The following SLC38A2 variants were observed in gnomAD, a reference collection of about 807,000 sequenced individuals.
SLC38A2 encodes the protein solute carrier family 38 member 2.
A neutral mutation model predicts 61.5 loss-of-function variants in SLC38A2; 11 were observed. The ratio of observed to expected loss-of-function variants is 0.18; its 90% CI spans 0.11 to 0.30. The LOEUF (loss-of-function observed/expected upper bound fraction) is 0.30, where lower values mean the gene tolerates loss of function less well. Ranked by LOEUF, SLC38A2 falls within the 10% of genes least tolerant of loss-of-function variation. The pLI, the probability that SLC38A2 is intolerant of heterozygous loss-of-function variation, is 1.00. For missense variants in SLC38A2, 522 were observed against 600.4 expected (o/e 0.87, Z 1.36); for synonymous variants, 217 against 212.5 (o/e 1.02, Z -0.18).
At chr12:46,372,119 GT>G (rs1448462639) in intron 1 of SLC38A2, among the ~76,000 whole-genome samples, 3 of 152,078 alleles carry the variant, frequency 2.0e-5, no homozygotes, top group African/African-American at 7.2e-5. Context: ...GGCCTCTCCT[GT>G]AATACATGCC....
chr12:46,371,487 G>A (rs1255791430), intron 1 of SLC38A2, 108 bp from the exon 2 acceptor site: 25 of 553,424 alleles, frequency 4.5e-5, no homozygotes, highest in Non-Finnish European at 7.9e-5. Flanking sequence ...CAGGCGAGTG[G>A]AAAAGTACCA....
chr12:46,366,734 T>A, intron 7 of SLC38A2, 130 bp downstream of exon 7: 1 of 863,474 alleles, frequency 1.2e-6, no homozygotes, highest in Non-Finnish European at 1.7e-6. Flanking sequence ...ATGGGGGGCC[T>A]TCTTGGTCAG....
chr12:46,371,129 A>T lies in SLC38A2; in HGVS notation c.116+49T>A, dbSNP rs773958457. ...AGCAGAGTCCTAGGTAACTCCCTGA[A>T]CCCAACCCATGCAAGCCGTTTTTTC... On this transcript the variant is annotated intron_variant, in intron 2 of 15. Transcript: ENST00000256689. 5 of 1,520,248 alleles carry T rather than the reference A, an allele frequency of 3.3e-6. No homozygotes were observed. In the Admixed American group the frequency reaches 8.3e-5, roughly 25 times the overall value. 94.2% of individuals were successfully genotyped at this position (1,520,248 alleles called of 1,614,324 possible).
rs1459936588 is a variant in SLC38A2 at position 46,359,847 on chromosome 12, G to T, written c.*1264C>A. On this transcript the variant is annotated 3_prime_UTR_variant, in exon 16 of 16. Transcript: ENST00000256689. ...AAACAAGTAATTCTACGTTGTACAAGAATGAGATGACAGTCCAGTGCAAAT... is the reference window on the plus strand; with the variant it reads ...AAACAAGTAATTCTACGTTGTACAATAATGAGATGACAGTCCAGTGCAAAT... 2.0e-5 allele frequency: 3 copies of T among 152,626 alleles called. No homozygotes were observed. Among genetic ancestry groups the T allele is most frequent in the African/African-American group, 7.2e-5 (3 of 41,450 alleles). The allele number at this position is 152,626 out of a possible 1,614,324, so 9.5% of individuals were successfully genotyped here.
chr12:46,366,585 A>G (rs1222311457), intron 7 of SLC38A2, among the ~76,000 whole-genome samples: 2 of 152,188 alleles, frequency 1.3e-5, no homozygotes, highest in South Asian at 4.1e-4. Flanking sequence ...AAAAACACCT[A>G]TAACTTCTTT....
At position 46,358,454 on chromosome 12, in the gene SLC38A2, TAA is replaced by T. The variant is rs915846595; in HGVS notation, c.*2655_*2656del. 3.3e-5 allele frequency: 5 copies of T among 152,680 alleles called. No homozygotes were observed. The highest frequency in any genetic ancestry group is 7.2e-5 in the African/African-American group (3 of 41,460). 9.5% of individuals were successfully genotyped at this position (152,680 alleles called of 1,614,324 possible). ...ATGTATTCCTTATTTAAATTTTAAA[TAA>T]GAGATCTGAATTTGTACCAAGATTT... On this transcript the variant is annotated 3_prime_UTR_variant, in exon 16 of 16. Coordinates refer to ENST00000256689, the MANE Select transcript of SLC38A2 (RefSeq NM_018976.5).
At position 46,363,142 on chromosome 12, in the gene SLC38A2, T is replaced by C; in HGVS notation, c.1058A>G (p.His353Arg). The C allele has an allele frequency of 5.0e-6, 8 of 1,611,746 alleles. No homozygotes were observed. Among genetic ancestry groups the C allele is most frequent in the East Asian group, 2.2e-5 (1 of 44,836 alleles). Residue 353 changes from histidine to arginine, a missense_variant, in exon 13 of 16, where the codon CAT becomes CGT. Physicochemically the swap from His to Arg is conservative, Grantham distance 29. This residue lies in a region of SLC38A2 where 309 missense variants were observed against 343.9 expected (regional missense o/e 0.90). Transcript: ENST00000256689. ...GGTATGAAGCAATTCTGACTCAACA[T>C]GTTCTACAGGGAAAGACCAAAAAAA... ...ALFGYLTFYE[H>R]VESELLHTYS...
intron 8 of SLC38A2, 62 bp from the exon 9 acceptor site, chr12:46,364,764 T>G: frequency 6.7e-7 from 1 of 1,491,190 alleles, no homozygotes; most frequent in South Asian, 1.2e-5. Context: ...GGCAAATATC[T>G]TTTTCCCACT....
chr12:46,362,856 G>T (rs1301615102), intron 13 of SLC38A2, 165 bp downstream of exon 13: 3 of 1,002,084 alleles, frequency 3.0e-6, no homozygotes, highest in Non-Finnish European at 4.2e-6. Flanking sequence ...TGTCCCCAGG[G>T]TATTTTGAAA....
rs1352438073 is a variant in SLC38A2 at position 46,370,834 on chromosome 12, T to C, written c.140A>G (p.Glu47Gly). 1 of 1,612,390 alleles carries C rather than the reference T, an allele frequency of 6.2e-7. No homozygotes were observed. The highest frequency in any genetic ancestry group is 1.3e-5 in the African/African-American group (1 of 75,008). The change falls in exon 3 of 16, where the codon GAA (glutamate) becomes GGA (glycine). Residue 47 changes from glutamate to glycine, a missense_variant. Physicochemically the swap from Glu to Gly is moderately conservative, Grantham distance 98 (BLOSUM62 -2). Coordinates refer to ENST00000256689, the MANE Select transcript of SLC38A2 (RefSeq NM_018976.5). The part of the protein sequence containing the change: ...LKSHYADVDP[E>G]NQNFLLESNL... ...CGATTCAAGTAAAAAGTTCTGGTTTTCAGGATCTACATCTGCATAATGGCT... is the reference window on the plus strand; with the variant it reads ...CGATTCAAGTAAAAAGTTCTGGTTTCCAGGATCTACATCTGCATAATGGCT...
At chr12:46,366,223 T>C (rs1426732887) in intron 7 of SLC38A2, among the ~76,000 whole-genome samples, 3 of 152,140 alleles carry the variant, frequency 2.0e-5, no homozygotes, top group Non-Finnish European at 2.9e-5. Context: ...GACCGAAGTG[T>C]TTTGGACTTT....
At position 46,360,357 on chromosome 12, in the gene SLC38A2, G is replaced by A. The variant is rs567709946; in HGVS notation, c.*754C>T. 3.9e-5 allele frequency: 6 copies of A among 152,416 alleles called. No individual in the cohort carries two copies. The highest frequency in any genetic ancestry group is 6.5e-5 in the Admixed American group (1 of 15,300). The allele number at this position is 152,416 out of a possible 1,614,324, so 9.4% of individuals were successfully genotyped here. A position where few individuals can be genotyped will look rare whatever the true frequency, so the allele number is the denominator to read the frequency against. On this transcript the variant is annotated 3_prime_UTR_variant, in exon 16 of 16. Transcript: ENST00000256689. Reference sequence around the variant, plus strand: ...ACAGAGAAGAAAAGTGATGAACAGAGTTCATCTGATTTGGTATAGCAATAA... The same window carrying A: ...ACAGAGAAGAAAAGTGATGAACAGAATTCATCTGATTTGGTATAGCAATAA...
At position 46,366,933 on chromosome 12, in the gene SLC38A2, T is replaced by C. The variant is rs1244416661; in HGVS notation, c.494A>G (p.Tyr165Cys). ...CAACTCATATTTCACTATGAAGAGG[T>C]AGCTTGACATAGCTGGAGGAAAACA... Reference protein sequence around the residue: ...TMQNIGAMSSYLFIVKYELPL... With the variant: ...TMQNIGAMSSCLFIVKYELPL... The change falls in exon 7 of 16, where the codon TAC (tyrosine) becomes TGC (cysteine). Residue 165 changes from tyrosine to cysteine, a missense_variant. Tyr to Cys is a radical substitution (Grantham distance 194). Coordinates refer to ENST00000256689, the MANE Select transcript of SLC38A2 (RefSeq NM_018976.5). 1.9e-6 allele frequency: 3 copies of C among 1,613,534 alleles called. No individual in the cohort carries two copies. Among genetic ancestry groups the C allele is most frequent in the Non-Finnish European group, 1.7e-6 (2 of 1,179,854 alleles).
rs752507048 is a variant in SLC38A2 at position 46,362,610 on chromosome 12, CACA to C, written c.1205_1207del (p.Leu402del). Reference sequence around the variant, plus strand: ...CCACCAACTGAAATCTTTTGATGCACACAACAAGTGAGTTACAGAACTCCGGAT... The same window carrying C: ...CCACCAACTGAAATCTTTTGATGCACACAAGTGAGTTACAGAACTCCGGAT... On this transcript the variant is annotated inframe_deletion, in exon 14 of 16. Coordinates refer to ENST00000256689, the MANE Select transcript of SLC38A2 (RefSeq NM_018976.5). The C allele has an allele frequency of 1.0e-5, 16 of 1,586,046 alleles. No homozygotes were observed. The highest frequency in any genetic ancestry group is 8.0e-5 in the Admixed American group (4 of 50,098).
At position 46,371,328 on chromosome 12, in the gene SLC38A2, G is replaced by A. The variant is rs1221035518; in HGVS notation, c.-35C>T. On this transcript the variant is annotated 5_prime_UTR_variant, in exon 2 of 16. Coordinates refer to ENST00000256689, the MANE Select transcript of SLC38A2 (RefSeq NM_018976.5). ...TGGGAGGAATCGGGTGCAGCTAGTA[G>A]CGCTGGGCTCCTTTTGTCCTTGGCG... 21 of 1,554,548 alleles carry A rather than the reference G, an allele frequency of 1.4e-5. No homozygotes were observed. Among genetic ancestry groups the A allele is most frequent in the Non-Finnish European group, 1.5e-5 (17 of 1,126,548 alleles).
chr12:46,372,696 A>T lies in SLC38A2; in HGVS notation c.-274T>A, dbSNP rs1226222513. Reference sequence around the variant, plus strand: ...TCCGCCGTGTCAAGGGAAAGGCGCGAGCGTGCGGTAACGCGTGGTCGGGCT... The same window carrying T: ...TCCGCCGTGTCAAGGGAAAGGCGCGTGCGTGCGGTAACGCGTGGTCGGGCT... On this transcript the variant is annotated 5_prime_UTR_variant, in exon 1 of 16. Transcript: ENST00000256689. The T allele has an allele frequency of 2.5e-6, 1 of 398,396 alleles. No homozygotes were observed. The highest frequency in any genetic ancestry group is 3.6e-5 in the East Asian group (1 of 28,084). The allele number at this position is 398,396 out of a possible 1,614,324, so 24.7% of individuals were successfully genotyped here.
In SLC38A2 at chr12:46,371,276, C is replaced by G; in HGVS notation, c.18G>C (p.Met6Ile). 1 of 1,614,234 alleles carries G rather than the reference C, an allele frequency of 6.2e-7. No individual in the cohort carries two copies. Among genetic ancestry groups the G allele is most frequent in the Non-Finnish European group, 8.5e-7 (1 of 1,180,038 alleles). The change falls in exon 2 of 16, where the codon ATG (methionine) becomes ATC (isoleucine). Residue 6 changes from methionine to isoleucine, a missense_variant. Physicochemically the swap from Met to Ile is conservative, Grantham distance 10 (BLOSUM62 1). Around this residue, in one of 3 missense-constraint regions of SLC38A2, gnomAD observed 102 missense variants for 83.1 expected, o/e 1.23. Transcript: ENST00000256689. MKKAE[M>I]GRFSISPDED... ...CATCCGGGGAAATACTGAATCGTCC[C>G]ATTTCGGCCTTCTTCATGCTAAGCA...
At chr12:46,364,278 CAT>C (rs908236693) in intron 10 of SLC38A2, 109 bp downstream of exon 10, 76 of 1,156,854 alleles carry the variant, frequency 6.6e-5, no homozygotes, top group Non-Finnish European at 8.1e-5. Flanking sequence ...TAGCTAATCA[CAT>C]GTTTTCTATA....
In SLC38A2 at chr12:46,371,159, G is replaced by T; in HGVS notation, c.116+19C>A. The T allele has an allele frequency of 1.2e-6, 2 of 1,610,506 alleles. No individual in the cohort carries two copies. The highest frequency in any genetic ancestry group is 1.7e-6 in the Non-Finnish European group (2 of 1,176,770). The stretch of plus-strand genomic sequence containing the variant: ...ACCCATGCAAGCCGTTTTTTCAAAA[G>T]TGTCACAACTTCTCCCACCTTTTCA... On this transcript the variant is annotated intron_variant, in intron 2 of 15. Transcript: ENST00000256689.
Sources: gnomAD v4.1 joint callset for allele counts (sites outside exome capture counted in the v4.1 genomes callset) on GRCh38, gnomAD v4.1.1 for gene constraint, gnomAD v4.1.1 regional missense constraint, MANE v1.5 for transcripts, NCBI Gene and HGNC (gene_info 2026-07-23, HGNC 2026-07-21) for gene names.